Variants in LCLAT1 observed in about 807,000 individuals in gnomAD.
The protein encoded by LCLAT1 is 1-AGP acyltransferase 8.
A neutral mutation model predicts 30.7 loss-of-function variants in LCLAT1; 11 were observed. The observed-to-expected ratio is 0.36, with a 90% CI of 0.23 to 0.59. The LOEUF (loss-of-function observed/expected upper bound fraction) is 0.59, where lower values mean the gene tolerates loss of function less well. Ranked by LOEUF, LCLAT1 falls within the 20% of genes least tolerant of loss-of-function variation. LCLAT1 has a pLI of 0.77. For missense variants in LCLAT1, 402 were observed against 458.6 expected, an observed-to-expected ratio of 0.88 and a Z score of 1.13; for synonymous variants, 155 against 151.3, an observed-to-expected ratio of 1.02 and a Z score of -0.18.
intron 5 of LCLAT1, among the ~76,000 whole-genome samples, chr2:30,579,130 A>G (rs1020468035): frequency 6.6e-6 from 1 of 152,170 alleles, no homozygotes; most frequent in Non-Finnish European, 1.5e-5. Flanking sequence ...TGCCTAGATT[A>G]GTTTTAATGA....
intron 5 of LCLAT1, among the ~76,000 whole-genome samples, chr2:30,626,541 T>G (rs936362067): frequency 5.9e-5 from 9 of 152,216 alleles, no homozygotes; most frequent in Non-Finnish European, 1.0e-4. Flanking sequence ...TAAATACTTA[T>G]GCTTTTTCCC....
intron 3 of LCLAT1, among the ~76,000 whole-genome samples, chr2:30,549,256 A>G (rs958315087): frequency 2.0e-5 from 3 of 152,168 alleles, no homozygotes; most frequent in Non-Finnish European, 4.4e-5. Context: ...TTGGTTACCT[A>G]AATTGGATAT....
chr2:30,450,867 T>C (rs1264482667), intron 1 of LCLAT1, among the ~76,000 whole-genome samples: 1 of 152,184 alleles, frequency 6.6e-6, no homozygotes, highest in Non-Finnish European at 1.5e-5. Context: ...TCTTCAGACT[T>C]CTTTAAAATT....
Position 30,562,306 on chromosome 2 carries a change from G to A in LCLAT1, c.511+14G>A. On this transcript the variant is annotated intron_variant, in intron 4 of 5. Coordinates refer to ENST00000379509, the MANE Select transcript of LCLAT1 (RefSeq NM_001002257.3). ...CTGATCTCACAGGTAATGTAGCCTGGGTTTGGCAAAGTTAGAAATCATGTA... is the reference window on the plus strand; with the variant it reads ...CTGATCTCACAGGTAATGTAGCCTGAGTTTGGCAAAGTTAGAAATCATGTA... 1.9e-6 allele frequency: 3 copies of A among 1,577,604 alleles called. No individual in the cohort carries two copies. Among genetic ancestry groups the A allele is most frequent in the Non-Finnish European group, 2.6e-6 (3 of 1,156,450 alleles).
chr2:30,588,587 T>C (rs569162547), intron 5 of LCLAT1, among the ~76,000 whole-genome samples: 66 of 152,130 alleles, frequency 4.3e-4, no homozygotes, highest in African/African-American at 1.4e-3. Context: ...GTTGTTGTTT[T>C]GTTTTTTTGT....
At chr2:30,480,144 A>G (rs1683249586) in intron 1 of LCLAT1, among the ~76,000 whole-genome samples, 1 of 152,214 alleles carries the variant, frequency 6.6e-6, no homozygotes, top group Non-Finnish European at 1.5e-5. Flanking sequence ...TCTGTTTAAT[A>G]AAAAGGACCC....
At chr2:30,601,886 TATATCTATAGATATATATA>T (rs1667204146) in intron 5 of LCLAT1, among the ~76,000 whole-genome samples, 1 of 146,016 alleles carries the variant, frequency 6.8e-6, no homozygotes, top group Non-Finnish European at 1.5e-5. Flanking sequence ...TATAGATATA[TATATCTATAGATATATATA>T]TAATGTTAAA....
chr2:30,476,158 A>G (rs1276543187), intron 1 of LCLAT1, among the ~76,000 whole-genome samples: 1 of 152,226 alleles, frequency 6.6e-6, no homozygotes, highest in African/African-American at 2.4e-5. Context: ...ACCTTTATTG[A>G]AGATTTACTC....
chr2:30,505,483 AG>A (rs1266113236), intron 1 of LCLAT1, among the ~76,000 whole-genome samples: 3 of 152,250 alleles, frequency 2.0e-5, no homozygotes, highest in African/African-American at 7.2e-5. Context: ...ATGTCTAATT[AG>A]ATGATTTATA....
In LCLAT1 at chr2:30,471,553, A is replaced by G. The variant is rs375205067; in HGVS notation, c.-5+24170A>G. 7.9e-5 allele frequency among the ~76,000 whole-genome samples: 12 copies of G among 152,302 alleles called. 1 individual carries two copies. Among genetic ancestry groups the G allele is most frequent in the African/African-American group, 2.6e-4 (11 of 41,576 alleles). On this transcript the variant is annotated intron_variant, in intron 1 of 5. Transcript: ENST00000379509. Reference sequence around the variant, plus strand: ...CTAAACCTGGTATATCCTTCCATATATTAGATTTTCCTTAATTTGTTAATG... The same window carrying G: ...CTAAACCTGGTATATCCTTCCATATGTTAGATTTTCCTTAATTTGTTAATG...
chr2:30,517,874 T>A (rs1212994985), intron 1 of LCLAT1, among the ~76,000 whole-genome samples: 1 of 152,190 alleles, frequency 6.6e-6, no homozygotes, highest in African/African-American at 2.4e-5. Context: ...ATCCTCTCCG[T>A]GACCCTGTAA....
At chr2:30,567,046 G>T (rs1253035247) in intron 4 of LCLAT1, among the ~76,000 whole-genome samples, 1 of 152,166 alleles carries the variant, frequency 6.6e-6, no homozygotes, top group Non-Finnish European at 1.5e-5. Context: ...GGATTTTAAA[G>T]AATGTTGATC....
At chr2:30,500,716 T>C (rs909237614) in intron 1 of LCLAT1, among the ~76,000 whole-genome samples, 4 of 152,210 alleles carry the variant, frequency 2.6e-5, no homozygotes, top group Non-Finnish European at 4.4e-5. Flanking sequence ...TTAAATATTT[T>C]CATCATTTTG....
intron 5 of LCLAT1, among the ~76,000 whole-genome samples, chr2:30,585,853 G>T (rs1184608340): frequency 6.6e-6 from 1 of 152,108 alleles, no homozygotes; most frequent in Non-Finnish European, 1.5e-5. Context: ...AGCTCTGCTG[G>T]AGAAAATCCC....
At chr2:30,516,386 G>A (rs533281613) in intron 1 of LCLAT1, among the ~76,000 whole-genome samples, 34 of 152,274 alleles carry the variant, frequency 2.2e-4, no homozygotes, top group Middle Eastern at 3.4e-3. Context: ...CTCTGGATCC[G>A]GCAAGGTGTC....
intron 5 of LCLAT1, among the ~76,000 whole-genome samples, chr2:30,614,113 G>A (rs1402804203): frequency 8.6e-5 from 2 of 23,310 alleles, no homozygotes; most frequent in Non-Finnish European, 1.8e-4. Flanking sequence ...GACAATACCT[G>A]GCTTTCCTAG....
chr2:30,460,289 A>G (rs896544064), intron 1 of LCLAT1, among the ~76,000 whole-genome samples: 1 of 152,184 alleles, frequency 6.6e-6, no homozygotes, highest in Non-Finnish European at 1.5e-5. Context: ...CTGCCACCTC[A>G]GTCTCAATTT....
intron 1 of LCLAT1, among the ~76,000 whole-genome samples, chr2:30,454,900 A>G (rs577625786): frequency 9.8e-5 from 15 of 152,300 alleles, no homozygotes; most frequent in African/African-American, 3.6e-4. Flanking sequence ...TGCCAGAGTG[A>G]CCTTATTTTG....
At chr2:30,597,819 C>T (rs1450558047) in intron 5 of LCLAT1, among the ~76,000 whole-genome samples, 1 of 152,164 alleles carries the variant, frequency 6.6e-6, no homozygotes, top group Non-Finnish European at 1.5e-5. Flanking sequence ...GAGGTACGTT[C>T]CTTCAGTGTC....
Sources: allele counts gnomAD v4.1 joint callset (sites outside exome capture counted in the v4.1 genomes callset), GRCh38; gene constraint gnomAD v4.1.1; transcripts MANE v1.5; gene names NCBI Gene and HGNC (gene_info 2026-07-23, HGNC 2026-07-21).